GLIS1: variants seen among roughly 807,000 people sequenced by gnomAD.
The protein encoded by GLIS1 is zinc finger protein GLIS1.
GLIS1 carries 24 observed loss-of-function variants against 63.8 expected under a neutral mutation model. The ratio of observed to expected loss-of-function variants is 0.38; its 90% CI spans 0.27 to 0.53. The LOEUF (loss-of-function observed/expected upper bound fraction) is 0.53, where lower values mean the gene tolerates loss of function less well. Ranked by LOEUF, GLIS1 falls within the 20% of genes least tolerant of loss-of-function variation. GLIS1 has a pLI of 0.85. For synonymous variants in GLIS1, 450 were observed against 482.5 expected (o/e 0.93, Z 0.88); for missense variants, 1,036 against 1,074.1 (o/e 0.96, Z 0.50).
chr1:53,542,734 G>T (rs1644656574), intron 4 of GLIS1, among the ~76,000 whole-genome samples: 1 of 152,210 alleles, frequency 6.6e-6, no homozygotes, highest in African/African-American at 2.4e-5. Flanking sequence ...TTCACCCCTG[G>T]GGCTACGCCC....
intron 4 of GLIS1, among the ~76,000 whole-genome samples, chr1:53,534,906 G>C (rs1263621066): frequency 2.0e-5 from 3 of 152,038 alleles, no homozygotes; most frequent in African/African-American, 4.8e-5. Flanking sequence ...GGGGGCTTCT[G>C]GCTGGCAGAG....
intron 4 of GLIS1, among the ~76,000 whole-genome samples, chr1:53,553,851 C>T (rs1644789000): frequency 6.6e-6 from 1 of 152,162 alleles, no homozygotes; most frequent in Admixed American, 6.5e-5. Context: ...GTGGCTGGAG[C>T]AGAACGGGCA....
chr1:53,529,297 G>T (rs1369588876), intron 5 of GLIS1, among the ~76,000 whole-genome samples: 2 of 152,214 alleles, frequency 1.3e-5, no homozygotes, highest in African/African-American at 4.8e-5. Context: ...CTCCTCACCT[G>T]CAGGGCTCAA....
intron 4 of GLIS1, among the ~76,000 whole-genome samples, chr1:53,589,715 T>G (rs893060114): frequency 3.9e-5 from 6 of 152,052 alleles, no homozygotes; most frequent in African/African-American, 1.4e-4. Flanking sequence ...CTGGGCAGGA[T>G]GAAAACCCGG....
In GLIS1 at chr1:53,708,009, G is replaced by T. The variant is rs78032844; in HGVS notation, c.259+29797C>A. Among the ~76,000 whole-genome samples the T allele has an allele frequency of 2.8e-4, 42 of 151,906 alleles. 1 individual carries two copies. In the East Asian group the frequency reaches 7.7e-3, roughly 28 times the overall value. On this transcript the variant is annotated intron_variant, in intron 2 of 10. Transcript: ENST00000628545. ...CTGAAAGGAAAGCAAAGCACCAGGCGCGGTGGCTCACGCCTGTAATCCCAG... is the reference window on the plus strand; with the variant it reads ...CTGAAAGGAAAGCAAAGCACCAGGCTCGGTGGCTCACGCCTGTAATCCCAG...
At chr1:53,604,454 G>A (rs2100557649) in intron 2 of GLIS1, among the ~76,000 whole-genome samples, 1 of 152,300 alleles carries the variant, frequency 6.6e-6, no homozygotes, top group African/African-American at 2.4e-5. Flanking sequence ...AATTTATGCT[G>A]AACCCTGCCA....
chr1:53,601,923 A>T (rs114481882), intron 2 of GLIS1, among the ~76,000 whole-genome samples: 1,916 of 152,278 alleles, frequency 0.013, 41 homozygotes, highest in African/African-American at 0.043. Flanking sequence ...GGCACCAGGC[A>T]TTTGCTTGCC....
chr1:53,614,178 T>G (rs1008879736), intron 2 of GLIS1, among the ~76,000 whole-genome samples: 1 of 152,226 alleles, frequency 6.6e-6, no homozygotes, highest in African/African-American at 2.4e-5. Flanking sequence ...TCTACTCTTA[T>G]GCGGTTTACA....
At chr1:53,710,356 C>T (rs1033971736) in intron 2 of GLIS1, among the ~76,000 whole-genome samples, 1 of 152,264 alleles carries the variant, frequency 6.6e-6, no homozygotes, top group African/African-American at 2.4e-5. Context: ...TACGGTGGCC[C>T]TGGTCAGACG....
chr1:53,558,097 C>A (rs1194591771), intron 4 of GLIS1, among the ~76,000 whole-genome samples: 1 of 152,152 alleles, frequency 6.6e-6, no homozygotes, highest in Non-Finnish European at 1.5e-5. Flanking sequence ...TGGGTACTGC[C>A]CCTCAGGCTG....
At chr1:53,597,349 G>A (rs113972667) in intron 3 of GLIS1, among the ~76,000 whole-genome samples, 2,211 of 148,690 alleles carry the variant, frequency 0.015, 63 homozygotes, top group African/African-American at 0.053. Context: ...CTCCAGCCTG[G>A]GCGACACAGC....
chr1:53,510,400 T>A (rs1644287460), intron 8 of GLIS1, among the ~76,000 whole-genome samples: 1 of 152,234 alleles, frequency 6.6e-6, no homozygotes, highest in African/African-American at 2.4e-5. Flanking sequence ...CCGGGCACGC[T>A]GCAGTGTTCA....
At chr1:53,634,005 G>A (rs1044369078) in intron 2 of GLIS1, among the ~76,000 whole-genome samples, 1 of 152,122 alleles carries the variant, frequency 6.6e-6, no homozygotes, top group Non-Finnish European at 1.5e-5. Flanking sequence ...CAGAGGCATC[G>A]GGATTTATCA....
chr1:53,549,536 A>G (rs1462531477), intron 4 of GLIS1, among the ~76,000 whole-genome samples: 1 of 152,200 alleles, frequency 6.6e-6, no homozygotes, highest in Admixed American at 6.5e-5. Context: ...ATGTTGAGCA[A>G]CTTTTCATGT....
At chr1:53,536,959 G>A (rs887961561) in intron 4 of GLIS1, among the ~76,000 whole-genome samples, 3 of 152,224 alleles carry the variant, frequency 2.0e-5, no homozygotes, top group African/African-American at 4.8e-5. Flanking sequence ...TTAAAAAAAC[G>A]GGGAAAATAC....
chr1:53,641,301 C>A (rs1645784622), intron 2 of GLIS1, among the ~76,000 whole-genome samples: 1 of 152,140 alleles, frequency 6.6e-6, no homozygotes, highest in South Asian at 2.1e-4. Flanking sequence ...CAACACCTGC[C>A]TCATAGGGTT....
At chr1:53,534,721 C>T (rs556350112) in intron 4 of GLIS1, among the ~76,000 whole-genome samples, 2 of 148,744 alleles carry the variant, frequency 1.3e-5, no homozygotes, top group Non-Finnish European at 3.0e-5. Context: ...CGCACTTCTG[C>T]GAGTCACTCA....
chr1:53,700,376 C>T (rs550406140), intron 2 of GLIS1, among the ~76,000 whole-genome samples: 3 of 152,256 alleles, frequency 2.0e-5, no homozygotes, highest in East Asian at 1.9e-4. Context: ...TACGCGGCTC[C>T]GTGGCTCCAA....
chr1:53,516,802 C>CAA (rs568649903), intron 7 of GLIS1, among the ~76,000 whole-genome samples: 2 of 140,574 alleles, frequency 1.4e-5, no homozygotes, highest in African/African-American at 2.6e-5. Context: ...GACTCCATCT[C>CAA]AAAAAAAAAA....
Sources: gnomAD v4.1 joint callset for allele counts (sites outside exome capture counted in the v4.1 genomes callset) on GRCh38, gnomAD v4.1.1 for gene constraint, MANE v1.5 for transcripts, NCBI Gene and HGNC (gene_info 2026-07-23, HGNC 2026-07-21) for gene names.